Variants in SMG6 observed in about 807,000 individuals in gnomAD.
SMG6 encodes SMG6 nonsense mediated mRNA decay factor, also known as telomerase-binding protein EST1A.
A neutral mutation model predicts 142.2 loss-of-function variants in SMG6; 66 were observed. The ratio of observed to expected loss-of-function variants is 0.46; its 90% CI spans 0.38 to 0.57. SMG6 has a LOEUF of 0.57. SMG6 is among the 20% of genes least tolerant of loss of function. The pLI is 0.00. For missense variants in SMG6, 1,793 were observed against 1,832.0 expected, an observed-to-expected ratio of 0.98 and a Z score of 0.39; for synonymous variants, 779 against 702.4, an observed-to-expected ratio of 1.11 and a Z score of -1.72.
At chr17:2,251,319 G>A (rs1182630002) in intron 8 of SMG6, among the ~76,000 whole-genome samples, 2 of 150,038 alleles carry the variant, frequency 1.3e-5, no homozygotes, top group African/African-American at 2.5e-5. Context: ...CAAATGCCTC[G>A]TAGGAAGATG....
chr17:2,178,920 T>C (rs1300107549), intron 12 of SMG6, among the ~76,000 whole-genome samples: 1 of 152,196 alleles, frequency 6.6e-6, no homozygotes, highest in Non-Finnish European at 1.5e-5. Context: ...TAGCACACAC[T>C]GGACCCAAAT....
intron 13 of SMG6, among the ~76,000 whole-genome samples, chr17:2,130,176 C>T (rs112426971): frequency 3.4e-5 from 5 of 145,018 alleles, no homozygotes; most frequent in Admixed American, 2.2e-4. Context: ...AGGAGAATGG[C>T]GTGAACCCGG....
intron 9 of SMG6, among the ~76,000 whole-genome samples, chr17:2,242,035 A>G (rs216218): frequency 0.58 from 87,568 of 151,850 alleles, 26,436 homozygotes; most frequent in East Asian, 0.75. Context: ...CCTACAACGC[A>G]CAGGACAGCC....
At chr17:2,077,536 C>G (rs987828178) in intron 15 of SMG6, among the ~76,000 whole-genome samples, 1 of 152,130 alleles carries the variant, frequency 6.6e-6, no homozygotes, top group Non-Finnish European at 1.5e-5. Context: ...GCAGAGCATG[C>G]CTAGGGAGTG....
chr17:2,074,797 T>C (rs1047124876), intron 15 of SMG6, among the ~76,000 whole-genome samples: 1 of 152,244 alleles, frequency 6.6e-6, no homozygotes, highest in African/African-American at 2.4e-5. Context: ...GAATTTTAAC[T>C]GATAACTTGA....
intron 8 of SMG6, among the ~76,000 whole-genome samples, chr17:2,267,512 C>A (rs2074447295): frequency 6.6e-6 from 1 of 152,008 alleles, no homozygotes; most frequent in Non-Finnish European, 1.5e-5. Context: ...GATATGGAGT[C>A]TTTATATCCA....
At chr17:2,233,991 A>G (rs1446863376) in intron 10 of SMG6, among the ~76,000 whole-genome samples, 1 of 152,014 alleles carries the variant, frequency 6.6e-6, no homozygotes, top group African/African-American at 2.4e-5. Flanking sequence ...GAACACCTCA[A>G]CCCATACTCT....
At chr17:2,246,581 G>A (rs979688573) in intron 8 of SMG6, among the ~76,000 whole-genome samples, 2 of 152,196 alleles carry the variant, frequency 1.3e-5, no homozygotes, top group African/African-American at 4.8e-5. Context: ...AAAAAGCTCA[G>A]AATATTTCAT....
Position 2,300,403 on chromosome 17 carries a change from C to T in SMG6, c.350G>A (p.Gly117Glu), listed in dbSNP as rs2075253795. ...NGPIDPENNRGQESFPRTAGQ... is the reference protein window; with the variant it reads ...NGPIDPENNREQESFPRTAGQ... Reference sequence around the variant, plus strand: ...AGCAGTCCTAGGAAAGGATTCTTGTCCCCGATTATTTTCTGGGTCTATAGG... The same window carrying T: ...AGCAGTCCTAGGAAAGGATTCTTGTTCCCGATTATTTTCTGGGTCTATAGG... Residue 117 changes from glycine to glutamate, a missense_variant, in exon 2 of 19, where the codon GGA becomes GAA. Gly to Glu is a moderately conservative substitution (Grantham distance 98). Transcript: ENST00000263073. The T allele has an allele frequency of 6.2e-7, 1 of 1,614,130 alleles. No individual in the cohort carries two copies. Among genetic ancestry groups the T allele is most frequent in the African/African-American group, 1.3e-5 (1 of 75,046 alleles).
At chr17:2,062,681 G>C (rs1597313300) in intron 18 of SMG6, 1 of 152,230 alleles carries the variant, frequency 6.6e-6, no homozygotes, top group South Asian at 2.1e-4. Context: ...TTTCCTGACA[G>C]AGGTCCAGGT....
intron 8 of SMG6, among the ~76,000 whole-genome samples, chr17:2,279,957 C>G (rs2074747684): frequency 6.6e-6 from 1 of 152,184 alleles, no homozygotes; most frequent in Non-Finnish European, 1.5e-5. Flanking sequence ...CCCACGGCCT[C>G]TCATGCTTGC....
chr17:2,174,435 C>T (rs537411991), intron 12 of SMG6, among the ~76,000 whole-genome samples: 1 of 152,306 alleles, frequency 6.6e-6, no homozygotes, highest in South Asian at 2.1e-4. Flanking sequence ...GGTATGGGAA[C>T]TCCCTGACTG....
chr17:2,147,017 T>C (rs1462667368), intron 13 of SMG6, among the ~76,000 whole-genome samples: 1 of 152,216 alleles, frequency 6.6e-6, no homozygotes, highest in Non-Finnish European at 1.5e-5. Flanking sequence ...TACAGGGATA[T>C]TTCACTTTTG....
rs558849193 is a variant in SMG6 at position 2,219,034 on chromosome 17, A to G, written c.2869+17458T>C. Among the ~76,000 whole-genome samples the G allele has an allele frequency of 6.6e-5, 10 of 152,354 alleles. No individual in the cohort carries two copies. The East Asian group carries it at 1.3e-3, about 21-fold the overall frequency. ...TTAAAAGGACAGGTTTTATTCTGCCATTTATTCAACAAATACATGAAGGCC... is the reference window on the plus strand; with the variant it reads ...TTAAAAGGACAGGTTTTATTCTGCCGTTTATTCAACAAATACATGAAGGCC... On this transcript the variant is annotated intron_variant, in intron 10 of 18. Coordinates refer to ENST00000263073, the MANE Select transcript of SMG6 (RefSeq NM_017575.5).
intron 12 of SMG6, among the ~76,000 whole-genome samples, chr17:2,178,084 G>A (rs759746889): frequency 3.9e-5 from 6 of 152,088 alleles, no homozygotes; most frequent in African/African-American, 7.2e-5. Flanking sequence ...AATAATACCC[G>A]GGCTTGAAAT....
At chr17:2,156,114 G>C (rs7217108) in intron 13 of SMG6, among the ~76,000 whole-genome samples, 51,131 of 148,362 alleles carry the variant, frequency 0.34, 9,315 homozygotes, top group African/African-American at 0.46. Context: ...CTCAGGCCGG[G>C]TGCCGTGGTT....
At chr17:2,253,125 T>G (rs991418509) in intron 8 of SMG6, among the ~76,000 whole-genome samples, 4 of 147,104 alleles carry the variant, frequency 2.7e-5, no homozygotes, top group Non-Finnish European at 4.5e-5. Flanking sequence ...TTTATTTTAT[T>G]TATTTATTTA....
rs983858569 is a variant in SMG6 at position 2,201,246 on chromosome 17, T to A, written c.2870-12731A>T. On this transcript the variant is annotated intron_variant, in intron 10 of 18. Transcript: ENST00000263073. Reference sequence around the variant, plus strand: ...GATGGCAAGTAGGTACATGAAAAGATGCTCAACATTACTAATCATTAGGGA... The same window carrying A: ...GATGGCAAGTAGGTACATGAAAAGAAGCTCAACATTACTAATCATTAGGGA... Among the ~76,000 whole-genome samples, 13 of 152,324 alleles carry A rather than the reference T, an allele frequency of 8.5e-5. No individual in the cohort carries two copies. The South Asian group carries it at 2.5e-3, about 29-fold the overall frequency.
chr17:2,085,200 C>G lies in SMG6; in HGVS notation c.3534+525G>C, dbSNP rs2068525134. The stretch of plus-strand genomic sequence containing the variant: ...CGAGTCTGGAGTGAAGCAAGGGCTA[C>G]AGGAACAACCAAGGGCAAACAAACA... On this transcript the variant is annotated intron_variant, in intron 14 of 18. Transcript: ENST00000263073. This position sits in a 1 kb window ranked among gnomAD's most constrained non-coding sequence, Gnocchi z 4.1. 6.7e-6 allele frequency among the ~76,000 whole-genome samples: 1 copy of G among 149,018 alleles called. No individual in the cohort carries two copies. The highest frequency in any genetic ancestry group is 1.5e-5 in the Non-Finnish European group (1 of 67,748).
Sources: gnomAD v4.1 joint callset for allele counts (sites outside exome capture counted in the v4.1 genomes callset) on GRCh38, gnomAD v4.1.1 for gene constraint, Gnocchi (gnomAD v3.1) non-coding constraint, MANE v1.5 for transcripts, NCBI Gene and HGNC (gene_info 2026-07-23, HGNC 2026-07-21) for gene names.